NCOR2: variants seen among roughly 807,000 people sequenced by gnomAD.
NCOR2 encodes nuclear receptor corepressor 2.
In NCOR2, 81 loss-of-function variants were observed where a neutral mutation model predicts 262.9. The ratio of observed to expected loss-of-function variants is 0.31; its 90% CI spans 0.26 to 0.37. The LOEUF is 0.37. NCOR2 is among the 10% of genes least tolerant of loss of function. The pLI, the probability that NCOR2 is intolerant of heterozygous loss-of-function variation, is 1.00. For synonymous variants in NCOR2, 1,659 were observed against 1,559.3 expected (o/e 1.06, Z -1.51); for missense variants, 3,385 against 3,621.4 (o/e 0.93, Z 1.68).
chr12:124,334,421 C>A lies in NCOR2; in HGVS notation c.6605+3G>T. ...GCAAGAGGCACCCCCATCCCTCGCT[C>A]ACCTCTTGCCCCCTTCGCTGTGGGG... On this transcript the variant is annotated splice_donor_region_variant and intron_variant, in intron 41 of 46. Transcript: ENST00000405201. 1 of 1,522,780 alleles carries A rather than the reference C, an allele frequency of 6.6e-7. No individual in the cohort carries two copies. Among genetic ancestry groups the A allele is most frequent in the East Asian group, 2.7e-5 (1 of 37,500 alleles). The allele number at this position is 1,522,780 out of a possible 1,614,324, so 94.3% of individuals were successfully genotyped here.
chr12:124,345,857 G>A (rs140423618), intron 31 of NCOR2, among the ~76,000 whole-genome samples: 64 of 152,254 alleles, frequency 4.2e-4, no homozygotes, highest in African/African-American at 1.3e-3. Flanking sequence ...CCCCGTGGTG[G>A]CTCCCATTCT....
intron 1 of NCOR2, among the ~76,000 whole-genome samples, chr12:124,520,123 T>C (rs1410969572): frequency 6.6e-6 from 1 of 152,154 alleles, no homozygotes; most frequent in African/African-American, 2.4e-5. Flanking sequence ...ATGTCTCCTG[T>C]GAACAGCTGG....
chr12:124,340,772 G>A (rs780102225), intron 34 of NCOR2, 21 bp from the exon 37 acceptor site: 14 of 1,509,504 alleles, frequency 9.3e-6, no homozygotes, highest in Non-Finnish European at 1.1e-5. Context: ...TGTTGGGCCA[G>A]GGCTGTAGCC....
chr12:124,452,252 G>A (rs2136517674), intron 6 of NCOR2, among the ~76,000 whole-genome samples: 1 of 152,350 alleles, frequency 6.6e-6, no homozygotes, highest in South Asian at 2.1e-4. Context: ...CCTCGTCTCA[G>A]GAATGGCAAG....
At chr12:124,420,557 G>A (rs963690270) in intron 12 of NCOR2, among the ~76,000 whole-genome samples, 8 of 152,080 alleles carry the variant, frequency 5.3e-5, no homozygotes, top group Admixed American at 3.3e-4. Context: ...CATCGGGACC[G>A]CCCCACGCCC....
intron 1 of NCOR2, among the ~76,000 whole-genome samples, chr12:124,518,669 C>T (rs2049982851): frequency 6.6e-6 from 1 of 152,282 alleles, no homozygotes; most frequent in Non-Finnish European, 1.5e-5. Flanking sequence ...AATAATTCCT[C>T]ATCGCCATGG....
At chr12:124,488,191 GATAAT>G (rs2047882994) in intron 1 of NCOR2, among the ~76,000 whole-genome samples, 2 of 152,192 alleles carry the variant, frequency 1.3e-5, no homozygotes, top group African/African-American at 4.8e-5. Flanking sequence ...TGGGTGCGTT[GATAAT>G]GTATCTGTTG....
intron 27 of NCOR2, among the ~76,000 whole-genome samples, chr12:124,353,358 C>T (rs1481399276): frequency 6.6e-6 from 1 of 152,238 alleles, no homozygotes; most frequent in Non-Finnish European, 1.5e-5. Flanking sequence ...AGCACAGCTG[C>T]CTTTGAAAGC....
At chr12:124,333,890 G>GTGTGCGCGCGCA in intron 41 of NCOR2, among the ~76,000 whole-genome samples, 1 of 143,352 alleles carries the variant, frequency 7.0e-6, no homozygotes, top group Non-Finnish European at 1.5e-5. Flanking sequence ...GTGTGCATGT[G>GTGTGCGCGCGCA]TGTGTGCGCG....
chr12:124,395,659 CAGG>C (rs1425953857), intron 16 of NCOR2, among the ~76,000 whole-genome samples: 4 of 152,160 alleles, frequency 2.6e-5, no homozygotes, highest in Non-Finnish European at 5.9e-5. Context: ...AAACAGAGGG[CAGG>C]CACTGTCTTC....
intron 13 of NCOR2, among the ~76,000 whole-genome samples, chr12:124,413,004 G>A (rs1165001655): frequency 6.6e-6 from 1 of 152,246 alleles, no homozygotes; most frequent in Non-Finnish European, 1.5e-5. Flanking sequence ...GAAGTCGGAA[G>A]CCTCGCTGCC....
exon 31 of NCOR2, chr12:124,346,656 G>A (rs1183274636): frequency 3.1e-6 from 5 of 1,587,654 alleles, no homozygotes; most frequent in East Asian, 2.3e-5. Flanking sequence ...TGGATGGAGC[G>A]GCCCGCCTCC....
intron 1 of NCOR2, among the ~76,000 whole-genome samples, chr12:124,564,031 C>A (rs191673126): frequency 1.3e-5 from 2 of 152,354 alleles, no homozygotes; most frequent in East Asian, 3.9e-4. Flanking sequence ...ATAATAAAAG[C>A]ACCAACTCAT....
At chr12:124,374,338 T>C in intron 19 of NCOR2, 75 bp downstream of exon 21, 1 of 1,475,676 alleles carries the variant, frequency 6.8e-7, no homozygotes, top group Non-Finnish European at 9.4e-7. Context: ...CGGGGTTCCT[T>C]GTGGAGGACC....
At chr12:124,436,225 G>A (rs1211425375) in intron 8 of NCOR2, among the ~76,000 whole-genome samples, 2 of 152,238 alleles carry the variant, frequency 1.3e-5, no homozygotes, top group Non-Finnish European at 2.9e-5. Context: ...CACCTACTGT[G>A]TACCACAGAC....
At chr12:124,492,469 C>G (rs887315906) in intron 1 of NCOR2, among the ~76,000 whole-genome samples, 1 of 152,160 alleles carries the variant, frequency 6.6e-6, no homozygotes, top group African/African-American at 2.4e-5. Flanking sequence ...ACTCTCCAGA[C>G]AGGAGGAGCT....
Position 124,354,764 on chromosome 12 carries a change from C to G in NCOR2, c.3484+73G>C, listed in dbSNP as rs557154342. 43 of 1,452,518 alleles carry G rather than the reference C, an allele frequency of 3.0e-5. No individual in the cohort carries two copies. The African/African-American group carries it at 5.9e-4, about 20-fold the overall frequency. 90.0% of individuals were successfully genotyped at this position (1,452,518 alleles called of 1,614,324 possible). Reference sequence around the variant, plus strand: ...AGTACCGTGGGCCAAGATACCCCTTCCTCCCCCGCCCCACCCACAGGACAG... The same window carrying G: ...AGTACCGTGGGCCAAGATACCCCTTGCTCCCCCGCCCCACCCACAGGACAG... On this transcript the variant is annotated intron_variant, in intron 25 of 46. Coordinates refer to ENST00000405201, the Ensembl canonical transcript of NCOR2.
At chr12:124,419,301 C>T (rs143482051) in intron 13 of NCOR2, among the ~76,000 whole-genome samples, 6 of 152,300 alleles carry the variant, frequency 3.9e-5, no homozygotes, top group Non-Finnish European at 8.8e-5. Context: ...TTGGTCACAA[C>T]CATGCAACTC....
intron 10 of NCOR2, among the ~76,000 whole-genome samples, chr12:124,428,065 G>GTGTGTGTGTGTGTC (rs2043674156): frequency 6.7e-6 from 1 of 149,416 alleles, no homozygotes; most frequent in African/African-American, 2.4e-5. Flanking sequence ...GTGTGTGTGT[G>GTGTGTGTGTGTGTC]TGTGTGTGTG....
Sources: allele counts gnomAD v4.1 joint callset (sites outside exome capture counted in the v4.1 genomes callset), GRCh38; gene constraint gnomAD v4.1.1; transcripts MANE v1.5; gene names NCBI Gene and HGNC (gene_info 2026-07-23, HGNC 2026-07-21).